Variants in GRIP1 observed in about 807,000 individuals in gnomAD.
The protein encoded by GRIP1 is glutamate receptor-interacting protein 1.
GRIP1 carries 45 observed loss-of-function variants against 129.9 expected under a neutral mutation model. The observed-to-expected ratio is 0.35, with a 90% CI of 0.27 to 0.44. The LOEUF (loss-of-function observed/expected upper bound fraction) is 0.44, where lower values mean the gene tolerates loss of function less well. GRIP1 is among the 20% of genes least tolerant of loss of function. The pLI, the probability that GRIP1 is intolerant of heterozygous loss-of-function variation, is 1.00. For synonymous variants in GRIP1, 530 were observed against 520.8 expected (o/e 1.02, Z -0.24); for missense variants, 1,196 against 1,396.8 (o/e 0.86, Z 2.29).
rs571381099 is a variant in GRIP1 at position 67,002,079 on chromosome 12, A to C, written c.58+66971T>G. On this transcript the variant is annotated intron_variant, in intron 1 of 1. Transcript: ENST00000643019. Reference sequence around the variant, plus strand: ...ATGCACCCAGTTGTAAATCCAGAGAAAAATGTGAGGATTAGAGTCCTGAAA... The same window carrying C: ...ATGCACCCAGTTGTAAATCCAGAGACAAATGTGAGGATTAGAGTCCTGAAA... 1.6e-4 allele frequency among the ~76,000 whole-genome samples: 25 copies of C among 152,332 alleles called. 1 individual carries two copies. Among genetic ancestry groups the C allele is most frequent in the South Asian group, 8.3e-4 (4 of 4,830 alleles).
intron 1 of GRIP1, among the ~76,000 whole-genome samples, chr12:66,717,676 A>C (rs1323827988): frequency 6.6e-6 from 1 of 152,194 alleles, no homozygotes; most frequent in Non-Finnish European, 1.5e-5. Flanking sequence ...CTGTCTGCTT[A>C]GGCCTTAAAA....
At chr12:66,519,545 G>A (rs1183321165) in intron 5 of GRIP1, among the ~76,000 whole-genome samples, 1 of 152,096 alleles carries the variant, frequency 6.6e-6, no homozygotes, top group African/African-American at 2.4e-5. Context: ...ATGTAATATC[G>A]AATGCTTGTT....
At chr12:66,485,187 T>C (rs1215208486) in intron 7 of GRIP1, among the ~76,000 whole-genome samples, 1 of 152,186 alleles carries the variant, frequency 6.6e-6, no homozygotes, top group Non-Finnish European at 1.5e-5. Context: ...GTTTACCACC[T>C]CTTGTTGTGG....
chr12:66,372,123 A>C (rs1237783877), intron 22 of GRIP1, 196 bp from the exon 23 acceptor site: 3 of 624,678 alleles, frequency 4.8e-6, no homozygotes, highest in Non-Finnish European at 5.7e-6. Flanking sequence ...TTTATAATGC[A>C]CATCTCAAAT....
intron 7 of GRIP1, among the ~76,000 whole-genome samples, chr12:66,494,452 T>A (rs1252742762): frequency 6.6e-6 from 1 of 152,236 alleles, no homozygotes; most frequent in Non-Finnish European, 1.5e-5. Flanking sequence ...TTTCTTTCAA[T>A]CTTCTGTGAG....
At chr12:66,759,495 T>G (rs547481331) in intron 1 of GRIP1, among the ~76,000 whole-genome samples, 1 of 152,244 alleles carries the variant, frequency 6.6e-6, no homozygotes, top group Non-Finnish European at 1.5e-5. Context: ...TTGCTACTTA[T>G]GCAAATTTCT....
chr12:66,545,508 A>T (rs1287358351), intron 2 of GRIP1, among the ~76,000 whole-genome samples: 1 of 152,236 alleles, frequency 6.6e-6, no homozygotes, highest in African/African-American at 2.4e-5. Flanking sequence ...ACAATAGCCA[A>T]AAGGTAAAAT....
intron 23 of GRIP1, among the ~76,000 whole-genome samples, chr12:66,367,149 G>C (rs2055200001): frequency 6.6e-6 from 1 of 152,190 alleles, no homozygotes; most frequent in Non-Finnish European, 1.5e-5. Context: ...GGAAAGAAGG[G>C]TTATCAATGA....
At chr12:67,048,606 C>T (rs1296443955) in intron 1 of GRIP1, among the ~76,000 whole-genome samples, 4 of 151,942 alleles carry the variant, frequency 2.6e-5, no homozygotes, top group Admixed American at 6.6e-5. Context: ...ACTAAAGGCA[C>T]TGATATGGTT....
chr12:67,063,918 T>C (rs2043578396), intron 1 of GRIP1, among the ~76,000 whole-genome samples: 1 of 152,182 alleles, frequency 6.6e-6, no homozygotes, highest in African/African-American at 2.4e-5. Context: ...AGGACAAATA[T>C]ACAATGGCTG....
chr12:67,035,117 A>G (rs770918719), intron 1 of GRIP1, among the ~76,000 whole-genome samples: 7 of 152,160 alleles, frequency 4.6e-5, no homozygotes, highest in Non-Finnish European at 1.0e-4. Context: ...GGTGCTGTGG[A>G]AAGTTGGAAT....
At chr12:66,856,830 C>G (rs1227138224) in intron 1 of GRIP1, among the ~76,000 whole-genome samples, 7 of 151,904 alleles carry the variant, frequency 4.6e-5, no homozygotes, top group Non-Finnish European at 8.8e-5. Flanking sequence ...CCTCAGGGAT[C>G]TAGAACTAGA....
intron 1 of GRIP1, among the ~76,000 whole-genome samples, chr12:67,029,429 A>G (rs2042987931): frequency 6.6e-6 from 1 of 152,038 alleles, no homozygotes; most frequent in South Asian, 2.1e-4. Context: ...ATTTTTTAAA[A>G]CTGGTCAAGC....
chr12:66,884,184 T>C (rs901323036), intron 1 of GRIP1, among the ~76,000 whole-genome samples: 1 of 152,242 alleles, frequency 6.6e-6, no homozygotes, highest in Non-Finnish European at 1.5e-5. Context: ...GCTGCATGCT[T>C]AACCTACGTA....
chr12:66,820,417 G>A (rs181366370), intron 1 of GRIP1, among the ~76,000 whole-genome samples: 7 of 152,196 alleles, frequency 4.6e-5, no homozygotes, highest in African/African-American at 1.7e-4. Flanking sequence ...ATGCAAAATG[G>A]TACAGCTACT....
chr12:66,500,555 G>C (rs2060363641), intron 7 of GRIP1, among the ~76,000 whole-genome samples: 1 of 152,154 alleles, frequency 6.6e-6, no homozygotes, highest in Non-Finnish European at 1.5e-5. Context: ...TTATGAGAGA[G>C]AGTCTTTAGA....
At chr12:66,446,688 T>C (rs1388282877) in intron 11 of GRIP1, among the ~76,000 whole-genome samples, 2 of 152,166 alleles carry the variant, frequency 1.3e-5, no homozygotes, top group African/African-American at 4.8e-5. Flanking sequence ...CTCTAACCTA[T>C]AGCTTTTCCT....
chr12:66,743,794 C>T (rs1015660264), intron 1 of GRIP1, among the ~76,000 whole-genome samples: 1 of 152,162 alleles, frequency 6.6e-6, no homozygotes, highest in Non-Finnish European at 1.5e-5. Context: ...TCAAAAACAT[C>T]AGTTACCAGT....
intron 1 of GRIP1, among the ~76,000 whole-genome samples, chr12:66,692,937 A>T (rs1317730606): frequency 6.6e-5 from 10 of 152,210 alleles, no homozygotes; most frequent in Non-Finnish European, 1.5e-5. Context: ...GACCTAGAAC[A>T]GTACCTAACA....
Sources: allele counts gnomAD v4.1 joint callset (sites outside exome capture counted in the v4.1 genomes callset), GRCh38; gene constraint gnomAD v4.1.1; transcripts MANE v1.5; gene names NCBI Gene and HGNC (gene_info 2026-07-23, HGNC 2026-07-21).